CXCL6: variants seen among roughly 807,000 people sequenced by gnomAD.
The protein encoded by CXCL6 is C-X-C motif chemokine 6.
A neutral mutation model predicts 10.5 loss-of-function variants in CXCL6; 18 were observed. That is an observed-to-expected ratio of 1.71 (90% CI 1.18 to 2.54). The LOEUF (loss-of-function observed/expected upper bound fraction) is 2.54, where lower values mean the gene tolerates loss of function less well. CXCL6 is among the 30% of genes most tolerant of loss of function. The pLI is 0.00. For synonymous variants in CXCL6, 82 were observed against 68.3 expected, an observed-to-expected ratio of 1.20 and a Z score of -0.99; for missense variants, 171 against 145.7, an observed-to-expected ratio of 1.17 and a Z score of -0.90.
In CXCL6 at chr4:73,837,972, T is replaced by A. The variant is rs1376780123; in HGVS notation, c.*331T>A. 8.9e-6 allele frequency: 2 copies of A among 225,030 alleles called. No homozygotes were observed. Among genetic ancestry groups the A allele is most frequent in the Non-Finnish European group, 1.7e-5 (2 of 116,768 alleles). 13.9% of individuals were successfully genotyped at this position (225,030 alleles called of 1,614,324 possible). ...ATTGAATTGAAGATAACTATTGTAT[T>A]TCTATCATACATTCCTTAAAGTCTT... On this transcript the variant is annotated 3_prime_UTR_variant, in exon 4 of 4. Coordinates refer to ENST00000226317, the MANE Select transcript of CXCL6 (RefSeq NM_002993.4).
In CXCL6 at chr4:73,836,874, C is replaced by G. The variant is rs1560512715; in HGVS notation, c.109+15C>G. Reference sequence around the variant, plus strand: ...CCTCGCCAGCGGTGAGAGCTCCTGGCACTGGGGTGCATCCCAGCCTCTGCG... The same window carrying G: ...CCTCGCCAGCGGTGAGAGCTCCTGGGACTGGGGTGCATCCCAGCCTCTGCG... On this transcript the variant is annotated intron_variant, in intron 1 of 3. Coordinates refer to ENST00000226317, the MANE Select transcript of CXCL6 (RefSeq NM_002993.4). The G allele has an allele frequency of 6.2e-7, 1 of 1,611,952 alleles. No homozygotes were observed. Among genetic ancestry groups the G allele is most frequent in the Admixed American group, 1.7e-5 (1 of 59,862 alleles).
intron 2 of CXCL6, 44 bp from the exon 3 acceptor site, chr4:73,837,159 A>G (rs201300540): frequency 6.2e-7 from 1 of 1,613,710 alleles, no homozygotes; most frequent in East Asian, 2.2e-5. Flanking sequence ...CTGGGTCGTC[A>G]ACCTTTGTGG....
rs1731141401 is a variant in CXCL6, at chr4:73,837,962, AC to A, written c.*322del. 1 of 244,794 alleles carries A rather than the reference AC, an allele frequency of 4.1e-6. No homozygotes were observed. The highest frequency in any genetic ancestry group is 2.2e-5 in the African/African-American group (1 of 44,996). 15.2% of individuals were successfully genotyped at this position (244,794 alleles called of 1,614,324 possible). On this transcript the variant is annotated 3_prime_UTR_variant, in exon 4 of 4. Coordinates refer to ENST00000226317, the MANE Select transcript of CXCL6 (RefSeq NM_002993.4). Reference sequence around the variant, plus strand: ...TTCAATGAATATTGAATTGAAGATAACTATTGTATTTCTATCATACATTCCT... The same window carrying A: ...TTCAATGAATATTGAATTGAAGATAATATTGTATTTCTATCATACATTCCT...
rs1224191332 is a variant in CXCL6 at position 73,838,283 on chromosome 4, GT to G, written c.*645del. On this transcript the variant is annotated 3_prime_UTR_variant, in exon 4 of 4. Coordinates refer to ENST00000226317, the MANE Select transcript of CXCL6 (RefSeq NM_002993.4). Reference sequence around the variant, plus strand: ...ATATTCTCTTCCTATGGTTTTAGACGTTTGATGTCTTCTTAGTATGGCATAA... The same window carrying G: ...ATATTCTCTTCCTATGGTTTTAGACGTTGATGTCTTCTTAGTATGGCATAA... 6.6e-6 allele frequency: 1 copy of G among 152,076 alleles called. No homozygotes were observed. The highest frequency in any genetic ancestry group is 2.4e-5 in the African/African-American group (1 of 41,396). 9.4% of individuals were successfully genotyped at this position (152,076 alleles called of 1,614,324 possible). A position where few individuals can be genotyped will look rare whatever the true frequency, so the allele number is the denominator to read the frequency against.
At chr4:73,837,323 C>T (rs753672610) in intron 3 of CXCL6, 37 bp downstream of exon 3, 3 of 1,523,998 alleles carry the variant, frequency 2.0e-6, no homozygotes, top group Non-Finnish European at 2.7e-6. Context: ...GTTTTAATAT[C>T]TTCTATGGAA....
At position 73,836,786 on chromosome 4, in the gene CXCL6, G is replaced by A. The variant is rs772055314; in HGVS notation, c.36G>A (p.Pro12=). The change falls in exon 1 of 4, where the codon CCG becomes CCA. Residue 12 remains proline, a synonymous_variant. Transcript: ENST00000226317. ...CGTCCAGCCGCGCGGCCCGTGTCCC[G>A]GGTCCTTCGGGCTCCTTGTGCGCGC... ...SLPSSRAARV[P]GPSGSLCALL... 7.4e-6 allele frequency: 12 copies of A among 1,611,582 alleles called. No homozygotes were observed. Among genetic ancestry groups the A allele is most frequent in the Admixed American group, 6.7e-5 (4 of 59,882 alleles).
In CXCL6 at chr4:73,836,958, C is replaced by T; in HGVS notation, c.110-6C>T. The T allele has an allele frequency of 6.2e-7, 1 of 1,604,294 alleles. No homozygotes were observed. The highest frequency in any genetic ancestry group is 8.5e-7 in the Non-Finnish European group (1 of 1,175,000). Reference sequence around the variant, plus strand: ...CCTGCCCTATAAAAATGTCTTTCTTCCCCAGCTGGTCCTGTCTCTGCTGTG... The same window carrying T: ...CCTGCCCTATAAAAATGTCTTTCTTTCCCAGCTGGTCCTGTCTCTGCTGTG... On this transcript the variant is annotated splice_region_variant and splice_polypyrimidine_tract_variant and intron_variant, in intron 1 of 3. Transcript: ENST00000226317.
rs1212158997 is a variant in CXCL6, at chr4:73,837,034, C to G, written c.180C>G (p.Pro60=). 4 of 1,613,840 alleles carry G rather than the reference C, an allele frequency of 2.5e-6. No homozygotes were observed. The highest frequency in any genetic ancestry group is 3.4e-6 in the Non-Finnish European group (4 of 1,179,924). ...TCLRVTLRVN[P]KTIGKLQVFP... ...TACGCGTTACGCTGAGAGTAAACCC[C>G]AAAACGATTGGTAAACTGCAGGTGT... is the stretch of plus-strand genomic sequence containing the variant. The change falls in exon 2 of 4, where the codon CCC becomes CCG. Residue 60 remains proline, a synonymous_variant. Coordinates refer to ENST00000226317, the MANE Select transcript of CXCL6 (RefSeq NM_002993.4).
intron 3 of CXCL6, 46 bp from the exon 4 acceptor site, chr4:73,837,577 A>C: frequency 1.3e-6 from 2 of 1,555,968 alleles, no homozygotes; most frequent in African/African-American, 1.4e-5. Flanking sequence ...TGTAGCATAC[A>C]AGAGTGTGGG....
At chr4:73,837,531 A>G (rs1731130889) in intron 3 of CXCL6, 92 bp from the exon 4 acceptor site, 3 of 1,294,298 alleles carry the variant, frequency 2.3e-6, no homozygotes, top group South Asian at 2.6e-5. Flanking sequence ...GCTTTTATTG[A>G]TTTTTTTCCC....
Position 73,837,605 on chromosome 4 carries a change from T to C in CXCL6, c.327-18T>C, listed in dbSNP as rs749690840. On this transcript the variant is annotated intron_variant, in intron 3 of 3. Transcript: ENST00000226317. ...AGTGTGGGAATTGGTTATACTAATATAACTCTTTTCTCAACAGTGGAAACA... is the reference window on the plus strand; with the variant it reads ...AGTGTGGGAATTGGTTATACTAATACAACTCTTTTCTCAACAGTGGAAACA... 2 of 1,565,716 alleles carry C rather than the reference T, an allele frequency of 1.3e-6. No homozygotes were observed. Among genetic ancestry groups the C allele is most frequent in the East Asian group, 4.6e-5 (2 of 43,284 alleles).
intron 2 of CXCL6, 32 bp from the exon 3 acceptor site, chr4:73,837,171 T>C: frequency 6.2e-7 from 1 of 1,613,920 alleles, no homozygotes; most frequent in African/African-American, 1.3e-5. Flanking sequence ...CCTTTGTGGC[T>C]CATGGGTGCA....
intron 2 of CXCL6, 48 bp from the exon 3 acceptor site, chr4:73,837,155 C>T (rs945534112): frequency 6.2e-7 from 1 of 1,613,550 alleles, no homozygotes; most frequent in Non-Finnish European, 8.5e-7. Flanking sequence ...CAGCCTGGGT[C>T]GTCAACCTTT....
rs1731113662 is a variant in CXCL6, at chr4:73,836,848, C to T, written c.98C>T (p.Pro33Leu). Residue 33 changes from proline (P) to leucine (L), a missense_variant, in exon 1 of 4, where the codon CCC becomes CTC. By Grantham distance (98) the Pro-to-Leu change is moderately conservative. Transcript: ENST00000226317. Reference protein sequence around the residue: ...ALLLLLTPPGPLASAGPVSAV... With the variant: ...ALLLLLTPPGLLASAGPVSAV... ...CTGCTCCTGCTGACGCCGCCGGGGC[C>T]CCTCGCCAGCGGTGAGAGCTCCTGG... 3 of 1,612,122 alleles carry T rather than the reference C, an allele frequency of 1.9e-6. 1 individual carries two copies. The Admixed American group carries it at 5.0e-5, about 27-fold the overall frequency.
intron 2 of CXCL6, 26 bp downstream of exon 2, chr4:73,837,122 C>A (rs778008085): frequency 6.2e-7 from 1 of 1,612,984 alleles, no homozygotes; most frequent in South Asian, 1.1e-5. Flanking sequence ...TTGCTGTGTC[C>A]ACTGTGACTT....
Position 73,836,764 on chromosome 4 carries a change from C to T in CXCL6, c.14C>T (p.Ser5Phe), listed in dbSNP as rs185031743. The stretch of plus-strand genomic sequence containing the variant: ...CTCTTGACCACTATGAGCCTCCCGT[C>T]CAGCCGCGCGGCCCGTGTCCCGGGT... MSLP[S>F]SRAARVPGPS... is the part of the protein sequence containing the mutation. The change falls in exon 1 of 4, where the codon TCC becomes TTC. Residue 5 changes from serine to phenylalanine, a missense_variant. Physicochemically the swap from Ser to Phe is radical, Grantham distance 155. Transcript: ENST00000226317. 1 of 1,610,536 alleles carries T rather than the reference C, an allele frequency of 6.2e-7. No homozygotes were observed.
At chr4:73,837,133 A>T (rs1731120545) in intron 2 of CXCL6, 37 bp downstream of exon 2, 1 of 1,613,274 alleles carries the variant, frequency 6.2e-7, no homozygotes, top group Non-Finnish European at 8.5e-7. Flanking sequence ...ACTGTGACTT[A>T]GGCAAGTCCT....
At position 73,837,197 on chromosome 4, in the gene CXCL6, C is replaced by T; in HGVS notation, c.243-6C>T. 1.9e-6 allele frequency: 3 copies of T among 1,614,100 alleles called. No homozygotes were observed. The highest frequency in any genetic ancestry group is 2.5e-6 in the Non-Finnish European group (3 of 1,180,006). On this transcript the variant is annotated splice_polypyrimidine_tract_variant and splice_region_variant and intron_variant, in intron 2 of 3. Transcript: ENST00000226317. ...CATGGGTGCATCCTCTTTTTCTTTACTTCAGAGCCTCCCTGAAGAACGGGA... is the reference window on the plus strand; with the variant it reads ...CATGGGTGCATCCTCTTTTTCTTTATTTCAGAGCCTCCCTGAAGAACGGGA...
In CXCL6 at chr4:73,838,039, T is replaced by C. The variant is rs1339812897; in HGVS notation, c.*398T>C. On this transcript the variant is annotated 3_prime_UTR_variant, in exon 4 of 4. Transcript: ENST00000226317. ...ATTTCGTATGGAAATAATGTTTTAT[T>C]AGTGTGCTGTTGAGGGAGGTATCCT... 1 of 158,748 alleles carries C rather than the reference T, an allele frequency of 6.3e-6. No homozygotes were observed. The highest frequency in any genetic ancestry group is 6.5e-5 in the Admixed American group (1 of 15,458). The allele number at this position is 158,748 out of a possible 1,614,324, so 9.8% of individuals were successfully genotyped here. A position where few individuals can be genotyped will look rare whatever the true frequency, so the allele number is the denominator to read the frequency against.
Sources: gnomAD v4.1 joint callset for allele counts on GRCh38, gnomAD v4.1.1 for gene constraint, MANE v1.5 for transcripts, NCBI Gene and HGNC (gene_info 2026-07-23, HGNC 2026-07-21) for gene names.